The following ZNF682 variants were observed in gnomAD, a reference collection of about 807,000 sequenced individuals.
ZNF682 encodes zinc finger protein 682.
Under a neutral mutation model 36.5 loss-of-function variants are expected in ZNF682, and 29 were observed. The observed-to-expected ratio is 0.80, with a 90% CI of 0.59 to 1.08. The LOEUF (loss-of-function observed/expected upper bound fraction) is 1.08, where lower values mean the gene tolerates loss of function less well. Ranked by LOEUF, ZNF682 falls within the 50% of genes least tolerant of loss-of-function variation. The pLI, the probability that ZNF682 is intolerant of heterozygous loss-of-function variation, is 0.00. For missense variants in ZNF682, 561 were observed against 579.7 expected (o/e 0.97, Z 0.33); for synonymous variants, 180 against 197.0 (o/e 0.91, Z 0.72).
At chr19:20,026,549 A>C (rs555450604) in intron 1 of ZNF682, among the ~76,000 whole-genome samples, 1 of 152,182 alleles carries the variant, frequency 6.6e-6, no homozygotes, top group African/African-American at 2.4e-5. Context: ...GGCTCACTGC[A>C]ACCTCGCCTC....
Position 20,005,895 on chromosome 19 carries a change from G to T in ZNF682, c.*110C>A. On this transcript the variant is annotated 3_prime_UTR_variant, in exon 4 of 4. Transcript: ENST00000397165. ...GACTTTCCCCACATTCTTCACATTT[G>T]TAGTGTTTCTCTCCAGTATGAATTA... 9.5e-7 allele frequency: 1 copy of T among 1,052,466 alleles called. No individual in the cohort carries two copies. Among genetic ancestry groups the T allele is most frequent in the Non-Finnish European group, 1.4e-6 (1 of 728,256 alleles). 65.2% of individuals were successfully genotyped at this position (1,052,466 alleles called of 1,614,324 possible). A position where few individuals can be genotyped will look rare whatever the true frequency, so the allele number is the denominator to read the frequency against.
At chr19:20,036,497 T>A (rs2088530014) in intron 1 of ZNF682, among the ~76,000 whole-genome samples, 1 of 149,976 alleles carries the variant, frequency 6.7e-6, no homozygotes, top group Non-Finnish European at 1.5e-5. Flanking sequence ...ACCCAGCTAC[T>A]CGGGAGGCTG....
chr19:19,996,689 G>A (rs1441725850), downstream of ZNF682, among the ~76,000 whole-genome samples: 1 of 152,038 alleles, frequency 6.6e-6, no homozygotes, highest in African/African-American at 2.4e-5. Flanking sequence ...AATGGGAGTG[G>A]GTAAGGGATA....
chr19:20,023,037 C>T lies in ZNF682; in HGVS notation c.193G>A (p.Val65Met), dbSNP rs7255165. Residue 65 changes from valine to methionine, a missense_variant, in exon 3 of 4, where the codon GTG becomes ATG. Physicochemically the swap from Val to Met is conservative, Grantham distance 21 (BLOSUM62 1). Transcript: ENST00000397165. ...TTGGCTATGGTCTCATGTCTCTTCA[C>T]ATTCCAGGGCTCCTGTCTTTGCTCC... ...RLEQRQEPWN[V>M]KRHETIAKPP... 286,829 of 1,613,126 alleles carry T rather than the reference C, an allele frequency of 0.18. 27,656 individuals carry two copies. Among genetic ancestry groups the T allele is most frequent in the African/African-American group, 0.34 (25,470 of 74,924 alleles).
Position 20,005,775 on chromosome 19 carries a change from T to C in ZNF682, c.*230A>G, listed in dbSNP as rs1009831785. On this transcript the variant is annotated 3_prime_UTR_variant, in exon 4 of 4. Coordinates refer to ENST00000397165, the MANE Select transcript of ZNF682 (RefSeq NM_033196.3). Reference sequence around the variant, plus strand: ...ACAAAACCTCTGATGAGTAAGTTCATAGTAGTTATTAAATGCTTTGCCACA... The same window carrying C: ...ACAAAACCTCTGATGAGTAAGTTCACAGTAGTTATTAAATGCTTTGCCACA... 40 of 533,728 alleles carry C rather than the reference T, an allele frequency of 7.5e-5. No homozygotes were observed. Among genetic ancestry groups the C allele is most frequent in the Middle Eastern group, 4.9e-4 (1 of 2,050 alleles). 33.1% of individuals were successfully genotyped at this position (533,728 alleles called of 1,614,324 possible). A position where few individuals can be genotyped will look rare whatever the true frequency, so the allele number is the denominator to read the frequency against.
intron 3 of ZNF682, among the ~76,000 whole-genome samples, chr19:20,011,764 G>A (rs1343097550): frequency 1.3e-5 from 2 of 152,174 alleles, no homozygotes; most frequent in African/African-American, 4.8e-5. Flanking sequence ...GAGGCCAGGC[G>A]TGGTGGCTCA....
downstream of ZNF682, among the ~76,000 whole-genome samples, chr19:20,002,974 A>G (rs530279837): frequency 3.3e-4 from 50 of 152,022 alleles, no homozygotes; most frequent in Admixed American, 8.5e-4. Flanking sequence ...GCGGATCACG[A>G]GGTCAGGAAA....
At chr19:20,020,671 C>T (rs897433647) in intron 3 of ZNF682, among the ~76,000 whole-genome samples, 5 of 152,062 alleles carry the variant, frequency 3.3e-5, no homozygotes, top group African/African-American at 9.7e-5. Context: ...GTTTGTGGAC[C>T]CTGACTGGAT....
rs777667607 is a variant in ZNF682, at chr19:20,024,379, GA to G, written c.4-4del. 2 of 1,604,894 alleles carry G rather than the reference GA, an allele frequency of 1.2e-6. No homozygotes were observed. The highest frequency in any genetic ancestry group is 1.7e-6 in the Non-Finnish European group (2 of 1,177,312). On this transcript the variant is annotated splice_region_variant and splice_polypyrimidine_tract_variant and intron_variant, in intron 1 of 3. Coordinates refer to ENST00000397165, the MANE Select transcript of ZNF682 (RefSeq NM_033196.3). ...ACATCCCTGAATGTCAACAGTTCCT[GA>G]AAAACAAAACAAAACATAGTGACCA...
intron 3 of ZNF682, among the ~76,000 whole-genome samples, chr19:20,019,068 T>G (rs4480928): frequency 0.077 from 11,757 of 152,190 alleles, 663 homozygotes; most frequent in East Asian, 0.2. Flanking sequence ...AGTTACTTGA[T>G]TAAGAAACAG....
intron 3 of ZNF682, among the ~76,000 whole-genome samples, chr19:20,020,184 C>T (rs1266141655): frequency 1.3e-5 from 2 of 151,696 alleles, no homozygotes; most frequent in African/African-American, 4.8e-5. Context: ...ATTATGAAAA[C>T]CAGTATGGAC....
chr19:20,031,057 A>G (rs1036895600), intron 1 of ZNF682: 2 of 152,282 alleles, frequency 1.3e-5, no homozygotes, highest in African/African-American at 4.8e-5. Flanking sequence ...GAGGGTCTAC[A>G]GTCACTCTGG....
chr19:20,006,761 ATGTTT>A lies in ZNF682; in HGVS notation c.736_740del (p.Lys246Ter). ...GTTTCTCACCAGTATGGATTCTCTT[ATGTTT>A]AGTAAGACTCGAGCACCAGTTAAAA... On this transcript the variant is annotated frameshift_variant, in exon 4 of 4. Transcript: ENST00000397165. LOFTEE classifies it high-confidence loss of function. 6.2e-7 allele frequency: 1 copy of A among 1,613,872 alleles called. No homozygotes were observed. Among genetic ancestry groups the A allele is most frequent in the East Asian group, 2.2e-5 (1 of 44,836 alleles).
At chr19:20,012,705 T>C (rs1474016949) in intron 3 of ZNF682, among the ~76,000 whole-genome samples, 2 of 148,462 alleles carry the variant, frequency 1.3e-5, no homozygotes, top group Admixed American at 6.8e-5. Flanking sequence ...GAGGCGGAGC[T>C]TGCAGTGAAC....
rs893938743 is a variant in ZNF682 at position 20,020,273 on chromosome 19, G to A, written c.226+2731C>T. ...AGCACTGTGGGAGGCTGAGGCAGGCGGATCACGAGGTCAGGAGTTCGAGAC... is the reference window on the plus strand; with the variant it reads ...AGCACTGTGGGAGGCTGAGGCAGGCAGATCACGAGGTCAGGAGTTCGAGAC... On this transcript the variant is annotated intron_variant, in intron 3 of 3. Transcript: ENST00000397165. Among the ~76,000 whole-genome samples the A allele has an allele frequency of 5.3e-5, 8 of 152,064 alleles. No individual in the cohort carries two copies. In the South Asian group the frequency reaches 6.2e-4, roughly 12 times the overall value.
chr19:20,026,176 G>A (rs559733094), intron 1 of ZNF682, among the ~76,000 whole-genome samples: 5 of 151,994 alleles, frequency 3.3e-5, no homozygotes, highest in East Asian at 4.0e-4. Context: ...GGTGGTGGGC[G>A]CCTGTAGTCC....
chr19:20,015,857 A>C (rs1432111787), intron 3 of ZNF682: 3 of 397,966 alleles, frequency 7.5e-6, no homozygotes, highest in East Asian at 3.6e-5. Flanking sequence ...AGAAGCAAAG[A>C]AAAGACTTAC....
At chr19:19,995,643 T>G (rs558335793), downstream of ZNF682, among the ~76,000 whole-genome samples, 6 of 151,718 alleles carry the variant, frequency 4.0e-5, no homozygotes, top group Non-Finnish European at 8.8e-5. Flanking sequence ...TTCAATTAAG[T>G]TCAAATTTAA....
intron 3 of ZNF682, chr19:20,015,122 TA>T: frequency 1.1e-6 from 1 of 871,694 alleles, no homozygotes; most frequent in Non-Finnish European, 1.4e-6. Flanking sequence ...TTTGCACAAT[TA>T]AAAATAAACA....
Sources: gnomAD v4.1 joint callset for allele counts (sites outside exome capture counted in the v4.1 genomes callset) on GRCh38, gnomAD v4.1.1 for gene constraint, MANE v1.5 for transcripts, NCBI Gene and HGNC (gene_info 2026-07-23, HGNC 2026-07-21) for gene names.